The following SNTB1 variants were observed in gnomAD, a reference collection of about 807,000 sequenced individuals.
SNTB1 encodes syntrophin beta 1, also known as beta-1-syntrophin.
In SNTB1, 36 loss-of-function variants were observed where a neutral mutation model predicts 48.9. The ratio of observed to expected loss-of-function variants is 0.74; its 90% CI spans 0.56 to 0.97. The LOEUF is 0.97. Among genes scored for constraint, SNTB1 ranks in the 50% least tolerant of loss-of-function variants. SNTB1 has a pLI of 0.00. For synonymous variants in SNTB1, 299 were observed against 294.6 expected (o/e 1.01, Z -0.15); for missense variants, 786 against 703.4 (o/e 1.12, Z -1.33).
At chr8:120,562,268 C>T (rs752963411) in intron 4 of SNTB1, among the ~76,000 whole-genome samples, 2 of 152,144 alleles carry the variant, frequency 1.3e-5, no homozygotes, top group Non-Finnish European at 2.9e-5. Context: ...AAGATACTAC[C>T]GCCCCCTTTG....
chr8:120,678,020 G>T (rs528069608), intron 2 of SNTB1, among the ~76,000 whole-genome samples: 4 of 152,144 alleles, frequency 2.6e-5, no homozygotes, highest in Non-Finnish European at 5.9e-5. Context: ...AAAAGAAATT[G>T]CACTGCTTGG....
chr8:120,648,329 G>A (rs1417654198), intron 2 of SNTB1, among the ~76,000 whole-genome samples: 32 of 151,428 alleles, frequency 2.1e-4, no homozygotes, highest in African/African-American at 5.8e-4. Flanking sequence ...CATGTTTAGT[G>A]CTTCCTTCAG....
rs1477128949 is a variant in SNTB1 at position 120,700,601 on chromosome 8, G to A, written c.572-6693C>T. Among the ~76,000 whole-genome samples, 3 of 152,198 alleles carry A rather than the reference G, an allele frequency of 2.0e-5. No individual in the cohort carries two copies. The East Asian group carries it at 5.8e-4, about 29-fold the overall frequency. ...GAAAAGGGGCGGAGAGGAGTCAGAG[G>A]TGCTCTTCAAACCAATAATCCACCA... On this transcript the variant is annotated intron_variant, in intron 1 of 6. Transcript: ENST00000517992.
chr8:120,547,052 T>A (rs569722450), intron 5 of SNTB1, among the ~76,000 whole-genome samples: 1 of 152,304 alleles, frequency 6.6e-6, no homozygotes, highest in Non-Finnish European at 1.5e-5. Flanking sequence ...ATTAGTTGTG[T>A]GATCTCGTGC....
At chr8:120,665,053 T>C (rs540905268) in intron 2 of SNTB1, among the ~76,000 whole-genome samples, 57 of 152,368 alleles carry the variant, frequency 3.7e-4, no homozygotes, top group African/African-American at 1.3e-3. Flanking sequence ...CCTGTGCTTA[T>C]TTTCTATGCA....
At chr8:120,540,950 C>G (rs1257464405) in intron 6 of SNTB1, among the ~76,000 whole-genome samples, 3 of 152,118 alleles carry the variant, frequency 2.0e-5, no homozygotes, top group Non-Finnish European at 4.4e-5. Context: ...GCCAACAAAT[C>G]CATTGAGTAA....
intron 2 of SNTB1, among the ~76,000 whole-genome samples, chr8:120,644,296 A>G: frequency 6.9e-6 from 1 of 145,066 alleles, no homozygotes; most frequent in African/African-American, 2.5e-5. Context: ...ATATCTCCCG[A>G]AGCTATCCCT....
At position 120,811,805 on chromosome 8, in the gene SNTB1, A is replaced by C. The variant is rs1290362253; in HGVS notation, c.39T>G (p.Ala13=). ...VAAAAAAAGP[A]GAGGGRAQRS... ...GCTGCGCCCGGCCGCCTCCCGCGCCAGCCGGCCCAGCCGCCGCCGCCGCCG... is the reference window on the plus strand; with the variant it reads ...GCTGCGCCCGGCCGCCTCCCGCGCCCGCCGGCCCAGCCGCCGCCGCCGCCG... Residue 13 remains alanine, a synonymous_variant, in exon 1 of 7, where the codon GCT becomes GCG. Coordinates refer to ENST00000517992, the MANE Select transcript of SNTB1 (RefSeq NM_021021.4). The C allele has an allele frequency of 1.5e-6, 2 of 1,370,292 alleles. No homozygotes were observed. The highest frequency in any genetic ancestry group is 3.1e-5 in the African/African-American group (2 of 65,192). 84.9% of individuals were successfully genotyped at this position (1,370,292 alleles called of 1,614,324 possible).
intron 3 of SNTB1, among the ~76,000 whole-genome samples, chr8:120,581,157 T>A (rs1816043812): frequency 1.4e-5 from 2 of 138,914 alleles, no homozygotes; most frequent in Non-Finnish European, 3.1e-5. Context: ...CAAAGGAGAA[T>A]GAAAAGGAAG....
At chr8:120,780,397 G>A (rs929014659) in intron 1 of SNTB1, among the ~76,000 whole-genome samples, 5 of 152,154 alleles carry the variant, frequency 3.3e-5, no homozygotes, top group Admixed American at 2.0e-4. Context: ...GTCATTCAAC[G>A]TAATCAGGAC....
At chr8:120,553,493 G>A (rs1815516266) in intron 4 of SNTB1, among the ~76,000 whole-genome samples, 1 of 152,160 alleles carries the variant, frequency 6.6e-6, no homozygotes, top group African/African-American at 2.4e-5. Flanking sequence ...GCTATCTGCT[G>A]TATCCATGTG....
chr8:120,718,408 G>A (rs1818599268), intron 1 of SNTB1, among the ~76,000 whole-genome samples: 1 of 152,266 alleles, frequency 6.6e-6, no homozygotes. Context: ...GGGAAGAGAA[G>A]AGGGGATGGG....
intron 2 of SNTB1, among the ~76,000 whole-genome samples, chr8:120,634,158 C>A (rs58753645): frequency 0.23 from 35,110 of 151,836 alleles, 4,207 homozygotes; most frequent in Middle Eastern, 0.32. Flanking sequence ...AGAAAAAAAA[C>A]CCAATATTCA....
chr8:120,702,452 A>G (rs967363315), intron 1 of SNTB1, among the ~76,000 whole-genome samples: 1 of 152,174 alleles, frequency 6.6e-6, no homozygotes, highest in Non-Finnish European at 1.5e-5. Flanking sequence ...TTCTTTGCAC[A>G]TGTGGTTTCC....
intron 2 of SNTB1, among the ~76,000 whole-genome samples, chr8:120,651,602 C>G (rs1328809080): frequency 1.3e-5 from 2 of 152,096 alleles, no homozygotes; most frequent in Non-Finnish European, 2.9e-5. Context: ...CCAAAAGAAC[C>G]ATTTTGTAGG....
chr8:120,807,037 T>C (rs1470658201), intron 1 of SNTB1, among the ~76,000 whole-genome samples: 8 of 152,190 alleles, frequency 5.3e-5, no homozygotes, highest in Admixed American at 3.9e-4. Context: ...ACAGGGTTAA[T>C]GTCAACAACT....
intron 1 of SNTB1, among the ~76,000 whole-genome samples, chr8:120,705,074 G>A (rs1228862600): frequency 6.6e-6 from 1 of 152,210 alleles, no homozygotes; most frequent in Non-Finnish European, 1.5e-5. Context: ...CAGGTTAGAC[G>A]ATGTTTAAAT....
intron 3 of SNTB1, among the ~76,000 whole-genome samples, chr8:120,587,268 A>G (rs925839395): frequency 4.6e-5 from 7 of 151,978 alleles, no homozygotes; most frequent in African/African-American, 1.7e-4. Context: ...AAACCCAACA[A>G]CAACAAAAAA....
chr8:120,772,860 TG>T (rs910118115), intron 1 of SNTB1, among the ~76,000 whole-genome samples: 6 of 151,644 alleles, frequency 4.0e-5, no homozygotes. Context: ...GAAAAGAAGA[TG>T]GGGAAAAAAG....
Sources: gnomAD v4.1 joint callset for allele counts (sites outside exome capture counted in the v4.1 genomes callset) on GRCh38, gnomAD v4.1.1 for gene constraint, MANE v1.5 for transcripts, NCBI Gene and HGNC (gene_info 2026-07-23, HGNC 2026-07-21) for gene names.